FRG1: variants seen among roughly 807,000 people sequenced by gnomAD.
FRG1 encodes the protein protein FRG1.
FRG1 carries 19 observed loss-of-function variants against 37.0 expected under a neutral mutation model. That is an observed-to-expected ratio of 0.51 (90% CI 0.36 to 0.75). FRG1 has a LOEUF of 0.75. Among genes scored for constraint, FRG1 ranks in the 30% least tolerant of loss-of-function variants. The pLI is 0.00. For missense variants in FRG1, 243 were observed against 301.4 expected (o/e 0.81, Z 1.44); for synonymous variants, 73 against 96.5 (o/e 0.76, Z 1.43).
intron 2 of FRG1, among the ~76,000 whole-genome samples, chr4:189,945,780 T>A (rs1233260335): frequency 6.6e-6 from 1 of 152,192 alleles, no homozygotes; most frequent in Non-Finnish European, 1.5e-5. Flanking sequence ...CAAAATTAGA[T>A]GGAAAGTGCT....
At chr4:189,954,964 C>T in intron 4 of FRG1, 73 bp from the exon 5 acceptor site, 1 of 858,814 alleles carries the variant, frequency 1.2e-6, no homozygotes, top group Non-Finnish European at 1.9e-6. Flanking sequence ...CACACATACG[C>T]ATGTCCTGTT....
Position 189,952,192 on chromosome 4 carries a change from A to T in FRG1, c.164A>T (p.Glu55Val), listed in dbSNP as rs73024948. 3.1e-6 allele frequency: 5 copies of T among 1,599,576 alleles called. No homozygotes were observed. The highest frequency in any genetic ancestry group is 4.3e-6 in the Non-Finnish European group (5 of 1,172,318). Residue 55 changes from glutamate to valine, a missense_variant, in exon 3 of 9, where the codon GAA becomes GTA. By Grantham distance (121) the Glu-to-Val change is moderately radical. Coordinates refer to ENST00000226798, the MANE Select transcript of FRG1 (RefSeq NM_004477.3). ...TGGTGGACAGTAACAAACTTTGGTG[A>T]AATTTCAGGAACCATAGCCATTGAA... ...GIWWTVTNFG[E>V]ISGTIAIEMD...
intron 7 of FRG1, chr4:189,961,469 G>A (rs1451061580): frequency 6.7e-5 from 11 of 163,594 alleles, no homozygotes; most frequent in East Asian, 1.8e-4. Flanking sequence ...GTGCCATGGC[G>A]CGATCTCGGC....
intron 1 of FRG1, 87 bp downstream of exon 1, chr4:189,941,158 A>T (rs1236493568): frequency 8.0e-7 from 1 of 1,249,736 alleles, no homozygotes; most frequent in Non-Finnish European, 1.2e-6. Context: ...CGTGGCGCGG[A>T]GAGCCGGCTT....
At chr4:189,951,140 A>T (rs1736735534) in intron 2 of FRG1, among the ~76,000 whole-genome samples, 1 of 152,188 alleles carries the variant, frequency 6.6e-6, no homozygotes, top group Admixed American at 6.5e-5. Context: ...GGCAAATTGG[A>T]AATTAGTATA....
At position 189,955,049 on chromosome 4, in the gene FRG1, G is replaced by T. The variant is rs3207892; in HGVS notation, c.330G>T (p.Lys110Asn). Reference sequence around the variant, plus strand: ...TATTAATGTACAGAATCGCCCTGAAGTCTGGCTATGGAAAATATCTTGGTA... The same window carrying T: ...TATTAATGTACAGAATCGCCCTGAATTCTGGCTATGGAAAATATCTTGGTA... The part of the protein sequence containing the change: ...VKLSDSRIAL[K>N]SGYGKYLGIN... The change falls in exon 5 of 9, where the codon AAG becomes AAT. Residue 110 changes from lysine to asparagine, a missense_variant. By Grantham distance (94) the Lys-to-Asn change is moderately conservative. Around this residue, in one of 2 missense-constraint regions of FRG1, gnomAD observed 133 missense variants for 199.3 expected, o/e 0.67. Transcript: ENST00000226798. The T allele has an allele frequency of 6.2e-7, 1 of 1,608,898 alleles. No individual in the cohort carries two copies. Among genetic ancestry groups the T allele is most frequent in the Non-Finnish European group, 8.5e-7 (1 of 1,175,740 alleles).
intron 4 of FRG1, among the ~76,000 whole-genome samples, chr4:189,954,768 A>T (rs1316294890): frequency 1.3e-5 from 2 of 151,842 alleles, no homozygotes; most frequent in Admixed American, 1.3e-4. Context: ...CTAACTTTTT[A>T]AATTTTTTGT....
At chr4:189,943,295 A>G (rs774642260) in intron 2 of FRG1, 23 bp downstream of exon 2, 65 of 1,586,404 alleles carry the variant, frequency 4.1e-5, no homozygotes, top group Non-Finnish European at 5.2e-5. Flanking sequence ...TCAGTGCTCT[A>G]TTCTGAAAAA....
At chr4:189,942,957 G>A (rs956839119) in intron 1 of FRG1, among the ~76,000 whole-genome samples, 14 of 152,178 alleles carry the variant, frequency 9.2e-5, no homozygotes, top group African/African-American at 3.4e-4. Flanking sequence ...GAGCTAAGAA[G>A]TGAAAGAATC....
At chr4:189,943,300 GA>G in intron 2 of FRG1, 28 bp downstream of exon 2, 4 of 1,583,816 alleles carry the variant, frequency 2.5e-6, no homozygotes, top group Non-Finnish European at 3.4e-6. Context: ...GCTCTATTCT[GA>G]AAAAAGTTAA....
intron 3 of FRG1, among the ~76,000 whole-genome samples, chr4:189,952,603 T>C (rs1736804637): frequency 1.3e-5 from 2 of 152,190 alleles, no homozygotes; most frequent in South Asian, 4.1e-4. Context: ...TCTTTTTTAT[T>C]CAGACCTATT....
chr4:189,950,770 A>G (rs1040846506), intron 2 of FRG1, among the ~76,000 whole-genome samples: 1 of 152,174 alleles, frequency 6.6e-6, no homozygotes, highest in Non-Finnish European at 1.5e-5. Flanking sequence ...ATATTTTGCC[A>G]ATCTCATTTC....
At chr4:189,941,611 C>G (rs1736304544) in intron 1 of FRG1, among the ~76,000 whole-genome samples, 1 of 152,246 alleles carries the variant, frequency 6.6e-6, no homozygotes, top group South Asian at 2.1e-4. Flanking sequence ...GTCTGAACTT[C>G]CATTTACTCA....
rs1409754334 is a variant in FRG1 at position 189,940,933 on chromosome 4, G to C, written c.-77G>C. On this transcript the variant is annotated 5_prime_UTR_variant, in exon 1 of 9. Coordinates refer to ENST00000226798, the MANE Select transcript of FRG1 (RefSeq NM_004477.3). ...ATTTCGCGTCCGCTTCTGTTTCTCC[G>C]CGCCCCTGTGCTGCCCCGACTCACA... The C allele has an allele frequency of 8.7e-7, 1 of 1,150,388 alleles. No individual in the cohort carries two copies. The highest frequency in any genetic ancestry group is 2.4e-5 in the East Asian group (1 of 41,136). 71.3% of individuals were successfully genotyped at this position (1,150,388 alleles called of 1,614,324 possible).
chr4:189,941,859 G>T (rs1363466510), intron 1 of FRG1: 4 of 442,256 alleles, frequency 9.0e-6, no homozygotes, highest in Middle Eastern at 3.3e-4. Context: ...TACAAATGTC[G>T]AGTATTTCCT....
intron 6 of FRG1, among the ~76,000 whole-genome samples, chr4:189,957,832 A>G (rs1737050517): frequency 6.6e-6 from 1 of 152,132 alleles, no homozygotes; most frequent in Non-Finnish European, 1.5e-5. Context: ...TTTAAAATAG[A>G]TAACATGTAC....
intron 2 of FRG1, among the ~76,000 whole-genome samples, chr4:189,948,092 G>A (rs78074482): frequency 1.7e-3 from 257 of 152,126 alleles, no homozygotes; most frequent in African/African-American, 4.2e-3. Flanking sequence ...GTCCTTCTGC[G>A]TCTTTTTCTC....
intron 2 of FRG1, among the ~76,000 whole-genome samples, chr4:189,948,549 T>A (rs7668489): frequency 0.29 from 44,078 of 150,492 alleles, 6,499 homozygotes; most frequent in Middle Eastern, 0.43. Flanking sequence ...CACATAATGA[T>A]AGTAGAGATT....
chr4:189,948,206 T>G (rs146995683), intron 2 of FRG1, among the ~76,000 whole-genome samples: 4,830 of 152,300 alleles, frequency 0.032, 201 homozygotes, highest in East Asian at 0.11. Flanking sequence ...TTTAATTTTT[T>G]AAAGCTGTTC....
Sources: allele counts gnomAD v4.1 joint callset (sites outside exome capture counted in the v4.1 genomes callset), GRCh38; gene constraint gnomAD v4.1.1; regional missense constraint gnomAD v4.1.1; transcripts MANE v1.5; gene names NCBI Gene and HGNC (gene_info 2026-07-23, HGNC 2026-07-21).